The following TG variants were observed in gnomAD, a reference collection of about 807,000 sequenced individuals.
TG encodes thyroglobulin.
In TG, 270 loss-of-function variants were observed where a neutral mutation model predicts 324.7. The observed-to-expected ratio is 0.83, with a 90% CI of 0.75 to 0.92. TG has a LOEUF of 0.92. Among genes scored for constraint, TG ranks in the 40% least tolerant of loss-of-function variants. TG has a pLI of 0.00. For missense variants in TG, 3,591 were observed against 3,456.4 expected (o/e 1.04, Z -0.98); for synonymous variants, 1,401 against 1,327.0 (o/e 1.06, Z -1.21).
chr8:133,047,805 GA>G, intron 41 of TG: 2 of 1,284,722 alleles, frequency 1.6e-6, no homozygotes, highest in Non-Finnish European at 2.3e-6. Context: ...CCCGGATGGG[GA>G]AAGATGAGTT....
intron 20 of TG, among the ~76,000 whole-genome samples, chr8:132,913,866 G>T (rs1819897723): frequency 1.3e-5 from 2 of 152,166 alleles, no homozygotes. Flanking sequence ...TTACAATGCG[G>T]GCATCACTGG....
chr8:132,997,525 G>C (rs550152196), intron 35 of TG, among the ~76,000 whole-genome samples: 57 of 152,126 alleles, frequency 3.7e-4, no homozygotes, highest in Non-Finnish European at 3.7e-4. Flanking sequence ...GAGACACTAG[G>C]AAGAGCAGCT....
At chr8:132,970,924 A>G (rs1829417616) in intron 32 of TG, among the ~76,000 whole-genome samples, 1 of 152,154 alleles carries the variant, frequency 6.6e-6, no homozygotes, top group Non-Finnish European at 1.5e-5. Context: ...TGCTGCCAAC[A>G]TTGGAGATGC....
chr8:133,113,455 A>G lies in TG; in HGVS notation c.7606A>G (p.Lys2536Glu), dbSNP rs983878331. The G allele has an allele frequency of 4.3e-6, 7 of 1,613,910 alleles. No homozygotes were observed. In the African/African-American group the frequency reaches 9.4e-5, roughly 22 times the overall value. ...GGAAAGTCGAGGCCGGACCAGTAGC[A>G]AAACAGCCTTTTACCAGGCACTGCA... ...FEESRGRTSS[K>E]TAFYQALQNS... Residue 2536 changes from lysine (K) to glutamate (E), a missense_variant, in exon 44 of 48, where the codon AAA becomes GAA. Physicochemically the swap from Lys to Glu is moderately conservative, Grantham distance 56 (BLOSUM62 1). Transcript: ENST00000220616.
chr8:133,111,385 C>T (rs1850236357), intron 43 of TG, among the ~76,000 whole-genome samples: 3 of 152,106 alleles, frequency 2.0e-5, no homozygotes, highest in South Asian at 4.1e-4. Flanking sequence ...GATGCTTCCT[C>T]GAAACATATG....
intron 26 of TG, among the ~76,000 whole-genome samples, chr8:132,944,624 G>A (rs1824956529): frequency 6.6e-6 from 1 of 152,164 alleles, no homozygotes. Flanking sequence ...AGGGAACTTG[G>A]CTTTCCTGAC....
chr8:132,893,630 G>A, intron 10 of TG, 60 bp from the exon 11 acceptor site: 1 of 1,611,186 alleles, frequency 6.2e-7, no homozygotes, highest in Non-Finnish European at 8.5e-7. Flanking sequence ...ATGCTTCATG[G>A]GAGTCAGAGG....
intron 22 of TG, among the ~76,000 whole-genome samples, chr8:132,928,537 A>G (rs1288475364): frequency 1.3e-5 from 2 of 152,194 alleles, no homozygotes; most frequent in Admixed American, 6.5e-5. Context: ...TTCCTATCAA[A>G]TGGAACTCAA....
intron 27 of TG, among the ~76,000 whole-genome samples, chr8:132,956,276 T>A (rs910475016): frequency 1.3e-5 from 2 of 152,302 alleles, no homozygotes; most frequent in African/African-American, 4.8e-5. Flanking sequence ...CCCTCCTTCA[T>A]TTATCCTTGC....
chr8:133,080,575 C>T (rs557449283), intron 41 of TG, among the ~76,000 whole-genome samples: 3 of 152,154 alleles, frequency 2.0e-5, no homozygotes, highest in African/African-American at 7.2e-5. Context: ...AAGCAGCTGC[C>T]CCAAACTCAG....
At chr8:132,948,642 G>T in intron 26 of TG, 134 bp from the exon 27 acceptor site, 1 of 1,002,068 alleles carries the variant, frequency 1.0e-6, no homozygotes. Flanking sequence ...CCAGGCTCTT[G>T]AATTCTAGTG....
intron 41 of TG, among the ~76,000 whole-genome samples, chr8:133,085,700 A>G (rs1435017069): frequency 6.6e-6 from 1 of 152,246 alleles, no homozygotes. Context: ...AATAATAACA[A>G]TTTTTAAAAA....
At chr8:133,021,047 G>A (rs537983878) in intron 39 of TG, among the ~76,000 whole-genome samples, 108 of 152,236 alleles carry the variant, frequency 7.1e-4, no homozygotes, top group South Asian at 2.5e-3. Context: ...TCAGACACAC[G>A]ATTCTAATAT....
At chr8:133,022,859 G>A (rs145889575) in intron 40 of TG, among the ~76,000 whole-genome samples, 34 of 152,288 alleles carry the variant, frequency 2.2e-4, no homozygotes, top group Admixed American at 6.5e-4. Context: ...GGCCACCTCC[G>A]GCTGTGGACC....
intron 41 of TG, among the ~76,000 whole-genome samples, chr8:133,083,880 C>G (rs1162790848): frequency 6.6e-6 from 1 of 152,096 alleles, no homozygotes; most frequent in South Asian, 2.1e-4. Flanking sequence ...TCCCTCTGCA[C>G]CCAGTGGTTC....
intron 20 of TG, among the ~76,000 whole-genome samples, chr8:132,913,495 T>C (rs1819833836): frequency 6.6e-6 from 1 of 152,220 alleles, no homozygotes; most frequent in Non-Finnish European, 1.5e-5. Context: ...CTGTTGGTTA[T>C]TGATAAGCTT....
chr8:132,898,397 G>A, intron 13 of TG, 151 bp downstream of exon 13: 1 of 795,854 alleles, frequency 1.3e-6, no homozygotes, highest in Non-Finnish European at 2.1e-6. Context: ...AAGTCCCCAG[G>A]CCTGCAAGCT....
At chr8:133,085,175 G>T (rs1361659098) in intron 41 of TG, among the ~76,000 whole-genome samples, 1 of 152,124 alleles carries the variant, frequency 6.6e-6, no homozygotes, top group Non-Finnish European at 1.5e-5. Flanking sequence ...ATATACCAAG[G>T]TATAATCTCT....
rs1832402683 is a variant in TG at position 132,992,009 on chromosome 8, C to T, written c.6262+8597C>T. On this transcript the variant is annotated intron_variant, in intron 35 of 47. Coordinates refer to ENST00000220616, the MANE Select transcript of TG (RefSeq NM_003235.5). ...TTCCTTCCTGGAAGGCTTCACTTCT[C>T]TCCACAGGTGCAGGAGGGAGCCACT... is the stretch of plus-strand genomic sequence containing the variant. Among the ~76,000 whole-genome samples, 6 of 152,154 alleles carry T rather than the reference C, an allele frequency of 3.9e-5. No homozygotes were observed. The South Asian group carries it at 1.0e-3, about 26-fold the overall frequency.
Sources: allele counts gnomAD v4.1 joint callset (sites outside exome capture counted in the v4.1 genomes callset), GRCh38; gene constraint gnomAD v4.1.1; transcripts MANE v1.5; gene names NCBI Gene and HGNC (gene_info 2026-07-23, HGNC 2026-07-21).